The following DHRS7B variants were observed in gnomAD, a reference collection of about 807,000 sequenced individuals.
DHRS7B encodes the protein peroxisomal reductase activating PPAR-gamma.
DHRS7B carries 24 observed loss-of-function variants against 26.4 expected under a neutral mutation model. That is an observed-to-expected ratio of 0.91 (90% confidence interval 0.66 to 1.28). The LOEUF is 1.28. Ranked by LOEUF, DHRS7B falls within the 50% of genes most tolerant of loss-of-function variation. DHRS7B has a pLI of 0.00. For missense variants in DHRS7B, 368 were observed against 419.4 expected (o/e 0.88, Z 1.07); for synonymous variants, 142 against 166.4 (o/e 0.85, Z 1.13).
rs771450730 is a variant in DHRS7B at position 21,172,056 on chromosome 17, C to A, written c.59C>A (p.Thr20Asn). 6.2e-7 allele frequency: 1 copy of A among 1,614,222 alleles called. No homozygotes were observed. The highest frequency in any genetic ancestry group is 1.7e-5 in the Admixed American group (1 of 60,030). ...LPKVKAMDFI[T>N]STAILPLLFG... ...AAGGTGAAGGCCATGGACTTCATCACCTCCACAGCCATCCTGCCCCTGCTG... is the reference window on the plus strand; with the variant it reads ...AAGGTGAAGGCCATGGACTTCATCAACTCCACAGCCATCCTGCCCCTGCTG... The change falls in exon 2 of 7, where the codon ACC becomes AAC. Residue 20 changes from threonine to asparagine, a missense_variant. Thr to Asn is a moderately conservative substitution (Grantham distance 65). Coordinates refer to ENST00000395511, the MANE Select transcript of DHRS7B (RefSeq NM_015510.5).
chr17:21,137,239 G>A (rs921880743), intron 1 of DHRS7B, among the ~76,000 whole-genome samples: 4 of 150,258 alleles, frequency 2.7e-5, no homozygotes, highest in Non-Finnish European at 1.5e-5. Flanking sequence ...CTAAACTGCT[G>A]GAATTATAGG....
intron 2 of DHRS7B, among the ~76,000 whole-genome samples, chr17:21,173,034 C>T (rs1028043452): frequency 7.2e-5 from 11 of 152,210 alleles, no homozygotes; most frequent in Admixed American, 3.3e-4. Context: ...TGACCCCACC[C>T]GCTGCTACAT....
chr17:21,162,978 C>G (rs1974030170), intron 1 of DHRS7B, among the ~76,000 whole-genome samples: 1 of 151,986 alleles, frequency 6.6e-6, no homozygotes, highest in Admixed American at 6.6e-5. Context: ...GGTGGATCAT[C>G]TGAGGTGAGG....
At chr17:21,165,808 C>T (rs532370284) in intron 1 of DHRS7B, among the ~76,000 whole-genome samples, 11 of 147,366 alleles carry the variant, frequency 7.5e-5, no homozygotes, top group South Asian at 6.9e-4. Context: ...CGCAGCTACG[C>T]GGGAGGCTGA....
At chr17:21,133,601 A>G (rs1373314453) in intron 1 of DHRS7B, among the ~76,000 whole-genome samples, 1 of 152,264 alleles carries the variant, frequency 6.6e-6, no homozygotes, top group Non-Finnish European at 1.5e-5. Context: ...GAAGGAGCCC[A>G]AGATATTTTC....
At chr17:21,138,101 T>TATACACAC (rs1555536219) in intron 1 of DHRS7B, among the ~76,000 whole-genome samples, 7 of 86,112 alleles carry the variant, frequency 8.1e-5, no homozygotes, top group African/African-American at 3.9e-4. Context: ...TATATATATA[T>TATACACAC]ACACACACAC....
At chr17:21,175,926 C>CAA (rs60913350) in intron 2 of DHRS7B, among the ~76,000 whole-genome samples, 4 of 126,226 alleles carry the variant, frequency 3.2e-5, no homozygotes, top group African/African-American at 6.2e-5. Context: ...GACCCTGTAT[C>CAA]AAAAAAAAAA....
At chr17:21,178,392 G>T in intron 3 of DHRS7B, 50 bp downstream of exon 3, 2 of 1,488,896 alleles carry the variant, frequency 1.3e-6, no homozygotes, top group Non-Finnish European at 9.4e-7. Flanking sequence ...GCCGTCTTCT[G>T]TAGGCACTGA....
intron 1 of DHRS7B, among the ~76,000 whole-genome samples, chr17:21,136,311 AG>A (rs1973340125): frequency 2.0e-5 from 3 of 150,790 alleles, no homozygotes; most frequent in Non-Finnish European, 3.0e-5. Context: ...AAAAAAAAAA[AG>A]AAAAAGATTT....
chr17:21,146,056 C>A (rs1021609657), intron 1 of DHRS7B, among the ~76,000 whole-genome samples: 3 of 152,168 alleles, frequency 2.0e-5, no homozygotes, highest in Non-Finnish European at 4.4e-5. Flanking sequence ...AGATAGATAA[C>A]CCAGCAGTTG....
At chr17:21,177,471 C>G (rs1026344179) in intron 2 of DHRS7B, among the ~76,000 whole-genome samples, 2 of 152,180 alleles carry the variant, frequency 1.3e-5, no homozygotes. Context: ...AAGTCCGCAT[C>G]GATTGTTACC....
At chr17:21,146,244 A>G (rs138977838) in intron 1 of DHRS7B, among the ~76,000 whole-genome samples, 308 of 152,260 alleles carry the variant, frequency 2.0e-3, no homozygotes, top group Non-Finnish European at 2.5e-3. Context: ...CCAGATCTCT[A>G]CAGAAAATTA....
intron 1 of DHRS7B, among the ~76,000 whole-genome samples, chr17:21,160,987 G>C (rs1973987743): frequency 6.6e-6 from 1 of 152,176 alleles, no homozygotes; most frequent in Admixed American, 6.5e-5. Context: ...ATGTTTCCAA[G>C]TATATGACAT....
At position 21,191,174 on chromosome 17, in the gene DHRS7B, A is replaced by G. The variant is rs759754778; in HGVS notation, c.*21A>G. On this transcript the variant is annotated 3_prime_UTR_variant, in exon 7 of 7. Coordinates refer to ENST00000395511, the MANE Select transcript of DHRS7B (RefSeq NM_015510.5). ...CCTAGTACTCTGACCAGCCAGGGCC[A>G]GGGCAGAGAAGCAGCACTCTTAGGC... The G allele has an allele frequency of 6.2e-7, 1 of 1,610,668 alleles. No individual in the cohort carries two copies. The highest frequency in any genetic ancestry group is 1.7e-5 in the Admixed American group (1 of 59,996).
chr17:21,188,885 C>T, intron 6 of DHRS7B, 22 bp downstream of exon 6: 1 of 1,614,086 alleles, frequency 6.2e-7, no homozygotes, highest in East Asian at 2.2e-5. Flanking sequence ...TTTCTCTTTT[C>T]TCCTATGAAA....
intron 2 of DHRS7B, chr17:21,172,441 T>A (rs964910873): frequency 1.8e-4 from 1 of 5,656 alleles, no homozygotes; most frequent in Non-Finnish European, 3.3e-4. Flanking sequence ...GCCCCGGGGG[T>A]GGGGTGGGGT....
chr17:21,138,509 C>A (rs1448805093), intron 1 of DHRS7B, among the ~76,000 whole-genome samples: 1 of 151,994 alleles, frequency 6.6e-6, no homozygotes, highest in East Asian at 1.9e-4. Context: ...AGGTGTGAGC[C>A]ACCGCGCCTG....
chr17:21,136,792 G>A (rs1219520118), intron 1 of DHRS7B, among the ~76,000 whole-genome samples: 1 of 151,816 alleles, frequency 6.6e-6, no homozygotes, highest in Non-Finnish European at 1.5e-5. Flanking sequence ...CCTACCTCAG[G>A]TGATCTGCCC....
chr17:21,153,220 A>G (rs1463556934), intron 1 of DHRS7B, among the ~76,000 whole-genome samples: 1 of 152,218 alleles, frequency 6.6e-6, no homozygotes, highest in Non-Finnish European at 1.5e-5. Context: ...GAAAAACAAA[A>G]TGCTAGAAAT....
Sources: allele counts gnomAD v4.1 joint callset (sites outside exome capture counted in the v4.1 genomes callset), GRCh38; gene constraint gnomAD v4.1.1; transcripts MANE v1.5; gene names NCBI Gene and HGNC (gene_info 2026-07-23, HGNC 2026-07-21).